RBMS1: variants seen among roughly 807,000 people sequenced by gnomAD.
The protein encoded by RBMS1 is RNA binding motif single stranded interacting protein 1.
Under a neutral mutation model 62.3 loss-of-function variants are expected in RBMS1, and 17 were observed. The observed-to-expected ratio is 0.27, with a 90% CI of 0.19 to 0.41. The LOEUF is 0.41. Among genes scored for constraint, RBMS1 ranks in the 10% least tolerant of loss-of-function variants. RBMS1 has a pLI of 1.00. For missense variants in RBMS1, 334 were observed against 504.5 expected, an observed-to-expected ratio of 0.66 and a Z score of 3.24; for synonymous variants, 172 against 170.0, an observed-to-expected ratio of 1.01 and a Z score of -0.09.
At chr2:160,447,753 G>A (rs1683717966) in intron 1 of RBMS1, among the ~76,000 whole-genome samples, 1 of 152,182 alleles carries the variant, frequency 6.6e-6, no homozygotes, top group Non-Finnish European at 1.5e-5. Flanking sequence ...TGCTAAAATG[G>A]TACTTGAAAA....
intron 4 of RBMS1, among the ~76,000 whole-genome samples, chr2:160,310,299 C>G (rs183615653): frequency 6.6e-6 from 1 of 152,168 alleles, no homozygotes; most frequent in Non-Finnish European, 1.5e-5. Context: ...CCAAATAATA[C>G]GGTTGTCAGC....
chr2:160,311,224 C>CTCTCTCTCTCTCTCTCTCTCTCTA (rs1689853353), intron 4 of RBMS1, among the ~76,000 whole-genome samples: 1 of 56,634 alleles, frequency 1.8e-5, no homozygotes, highest in South Asian at 6.2e-4. Flanking sequence ...ATCTATCTAT[C>CTCTCTCTCTCTCTCTCTCTCTCTA]TATCTATCTA....
chr2:160,409,713 A>G lies in RBMS1; in HGVS notation c.76-42322T>C, dbSNP rs1238574711. ...GGTCTCTTAGGAAACCACAATGTAA[A>G]CCACAAAAGAAGAGAATAGATTAAT... On this transcript the variant is annotated intron_variant, in intron 1 of 13. Coordinates refer to ENST00000348849, the MANE Select transcript of RBMS1 (RefSeq NM_016836.4). Among the ~76,000 whole-genome samples, 6 of 152,264 alleles carry G rather than the reference A, an allele frequency of 3.9e-5. No homozygotes were observed. In the South Asian group the frequency reaches 8.3e-4, roughly 21 times the overall value.
intron 2 of RBMS1, among the ~76,000 whole-genome samples, chr2:160,339,467 T>C (rs1226242632): frequency 6.6e-6 from 1 of 152,172 alleles, no homozygotes; most frequent in Non-Finnish European, 1.5e-5. Context: ...GTCAAAGCCA[T>C]GGTGATGCTC....
At chr2:160,445,121 A>C (rs1285387407) in intron 1 of RBMS1, among the ~76,000 whole-genome samples, 1 of 152,210 alleles carries the variant, frequency 6.6e-6, no homozygotes, top group Non-Finnish European at 1.5e-5. Context: ...TTCTCATACT[A>C]GTACACTTGC....
intron 10 of RBMS1, chr2:160,278,879 C>A: frequency 2.1e-6 from 1 of 469,220 alleles, no homozygotes. Context: ...GATATCTTGG[C>A]ATTCACTTCA....
At chr2:160,290,245 T>TC (rs1289269743) in intron 6 of RBMS1, among the ~76,000 whole-genome samples, 1 of 150,656 alleles carries the variant, frequency 6.6e-6, no homozygotes, top group East Asian at 2.0e-4. Context: ...TCAGCTGAAC[T>TC]CCAATTGTTT....
At position 160,375,061 on chromosome 2, in the gene RBMS1, G is replaced by C. The variant is rs994703594; in HGVS notation, c.76-7670C>G. ...CAGGTCTTCACGTGTGAAATAAGCA[G>C]GTTAGCCTGGATGATTTCTAAGCTT... On this transcript the variant is annotated intron_variant, in intron 1 of 13. Coordinates refer to ENST00000348849, the MANE Select transcript of RBMS1 (RefSeq NM_016836.4). Among the ~76,000 whole-genome samples the C allele has an allele frequency of 3.3e-5, 5 of 152,154 alleles. No homozygotes were observed. In the South Asian group the frequency reaches 1.0e-3, roughly 31 times the overall value.
chr2:160,451,332 A>AC (rs1683982657), intron 1 of RBMS1, among the ~76,000 whole-genome samples: 1 of 152,084 alleles, frequency 6.6e-6, no homozygotes, highest in Non-Finnish European at 1.5e-5. Flanking sequence ...TCCGTGATTA[A>AC]CCCTGATGAG....
chr2:160,483,190 A>G (rs1017207058), intron 1 of RBMS1, among the ~76,000 whole-genome samples: 17 of 152,158 alleles, frequency 1.1e-4, no homozygotes, highest in African/African-American at 3.6e-4. Flanking sequence ...GTTTTTGCCA[A>G]TTGAAAAAAC....
intron 1 of RBMS1, among the ~76,000 whole-genome samples, chr2:160,438,132 C>T (rs1683191150): frequency 6.6e-6 from 1 of 152,142 alleles, no homozygotes; most frequent in African/African-American, 2.4e-5. Flanking sequence ...TTTTCAGTAG[C>T]ACTGAAAGCA....
intron 1 of RBMS1, 105 bp downstream of exon 1, chr2:160,493,184 C>T: frequency 1.8e-6 from 2 of 1,127,058 alleles, no homozygotes; most frequent in Non-Finnish European, 2.6e-6. Flanking sequence ...CAACTCCGCC[C>T]GGCGGTGGCG....
At chr2:160,443,498 G>C (rs780505056) in intron 1 of RBMS1, among the ~76,000 whole-genome samples, 17 of 152,082 alleles carry the variant, frequency 1.1e-4, no homozygotes, top group Non-Finnish European at 2.2e-4. Flanking sequence ...CTGGTGATGA[G>C]TGAGCTCTTG....
At chr2:160,402,605 C>T (rs1353672609) in intron 1 of RBMS1, among the ~76,000 whole-genome samples, 1 of 152,180 alleles carries the variant, frequency 6.6e-6, no homozygotes, top group African/African-American at 2.4e-5. Flanking sequence ...AACACTAATA[C>T]ATTCAAGAGC....
chr2:160,351,286 C>A (rs1692490553), intron 2 of RBMS1, among the ~76,000 whole-genome samples: 2 of 151,650 alleles, frequency 1.3e-5, no homozygotes, highest in South Asian at 4.2e-4. Flanking sequence ...TGTAACAAAC[C>A]TGCACATTGT....
intron 1 of RBMS1, among the ~76,000 whole-genome samples, chr2:160,469,270 T>C (rs1328853857): frequency 6.6e-6 from 1 of 152,238 alleles, no homozygotes; most frequent in Non-Finnish European, 1.5e-5. Context: ...TTTCTGAGTT[T>C]ACCCTCGTTT....
At chr2:160,437,126 C>A (rs982347592) in intron 1 of RBMS1, among the ~76,000 whole-genome samples, 2 of 152,132 alleles carry the variant, frequency 1.3e-5, no homozygotes, top group Non-Finnish European at 2.9e-5. Flanking sequence ...AAAAAGAAAA[C>A]TTATACAGAA....
intron 1 of RBMS1, among the ~76,000 whole-genome samples, chr2:160,488,155 G>T (rs896283656): frequency 2.6e-5 from 4 of 152,140 alleles, no homozygotes. Context: ...CACACCATTT[G>T]TTCTAAAATT....
chr2:160,337,667 G>A (rs372951719), intron 2 of RBMS1, among the ~76,000 whole-genome samples: 1 of 152,030 alleles, frequency 6.6e-6, no homozygotes, highest in African/African-American at 2.4e-5. Flanking sequence ...AACTGGGGGG[G>A]AGGGGAACCA....
Sources: allele counts gnomAD v4.1 joint callset (sites outside exome capture counted in the v4.1 genomes callset), GRCh38; gene constraint gnomAD v4.1.1; transcripts MANE v1.5; gene names NCBI Gene and HGNC (gene_info 2026-07-23, HGNC 2026-07-21).